TRIOBP: variants seen among roughly 807,000 people sequenced by gnomAD.
TRIOBP encodes the protein TRIO and F-actin-binding protein.
A neutral mutation model predicts 238.8 loss-of-function variants in TRIOBP; 169 were observed. The ratio of observed to expected loss-of-function variants is 0.71; its 90% CI spans 0.62 to 0.80. TRIOBP has a LOEUF of 0.80. TRIOBP is among the 30% of genes least tolerant of loss of function. TRIOBP has a pLI of 0.00. For missense variants in TRIOBP, 2,838 were observed against 3,122.6 expected, an observed-to-expected ratio of 0.91 and a Z score of 2.17; for synonymous variants, 1,150 against 1,274.4, an observed-to-expected ratio of 0.90 and a Z score of 2.08.
At chr22:37,757,020 G>A (rs2145869062) in intron 15 of TRIOBP, among the ~76,000 whole-genome samples, 1 of 152,242 alleles carries the variant, frequency 6.6e-6, no homozygotes, top group Middle Eastern at 3.4e-3. Context: ...CATCCATCCT[G>A]TGAGAGGCGT....
At chr22:37,746,551 A>G in intron 11 of TRIOBP, 1 of 820,700 alleles carries the variant, frequency 1.2e-6, no homozygotes, top group Non-Finnish European at 1.6e-6. Flanking sequence ...CTGGGCCGGA[A>G]GACGGGGCCA....
intron 10 of TRIOBP, among the ~76,000 whole-genome samples, chr22:37,739,867 A>T (rs1924851632): frequency 6.6e-6 from 1 of 152,154 alleles, no homozygotes; most frequent in Admixed American, 6.5e-5. Flanking sequence ...GTGCCCCTCT[A>T]GTCTCCATGA....
intron 3 of TRIOBP, among the ~76,000 whole-genome samples, chr22:37,708,195 A>AAGATCACGCCACTGCACTCTAGCC (rs1306594473): frequency 7.0e-6 from 1 of 143,816 alleles, no homozygotes; most frequent in Non-Finnish European, 1.5e-5. Flanking sequence ...GCAGTGAGCC[A>AAGATCACGCCACTGCACTCTAGCC]AGATCACGCC....
rs1924004975 is a variant in TRIOBP, at chr22:37,724,441, G to T, written c.1885G>T (p.Ala629Ser). 6.2e-7 allele frequency: 1 copy of T among 1,611,376 alleles called. No individual in the cohort carries two copies. The highest frequency in any genetic ancestry group is 1.4e-5 in the African/African-American group (1 of 73,882). ...ATRDNPRTSC[A>S]QRDNPRASSP... Reference sequence around the variant, plus strand: ...ACGAGATAACCCCAGAACATCCTGTGCCCAGCGGGACAATCCCAGAGCCTC... The same window carrying T: ...ACGAGATAACCCCAGAACATCCTGTTCCCAGCGGGACAATCCCAGAGCCTC... Residue 629 changes from alanine (A) to serine (S), a missense_variant, in exon 7 of 24, where the codon GCC becomes TCC. This residue lies in a region of TRIOBP where 167 missense variants were observed against 200.2 expected (regional missense o/e 0.83). Transcript: ENST00000644935.
intron 3 of TRIOBP, among the ~76,000 whole-genome samples, chr22:37,706,960 G>A (rs951267522): frequency 1.3e-5 from 2 of 151,932 alleles, no homozygotes; most frequent in African/African-American, 4.8e-5. Context: ...GTGTATACCA[G>A]ATGTGATAGT....
In TRIOBP at chr22:37,774,977, C is replaced by A. The variant is rs776175350; in HGVS notation, c.*1197C>A. The A allele has an allele frequency of 6.6e-6, 1 of 152,246 alleles. No individual in the cohort carries two copies. Among genetic ancestry groups the A allele is most frequent in the Non-Finnish European group, 1.5e-5 (1 of 68,074 alleles). 9.4% of individuals were successfully genotyped at this position (152,246 alleles called of 1,614,324 possible). ...GTCCCAGTCCTCTCCTGAGGCTTTT[C>A]CCAGAGGTCATGCCCAGCCCTGGGC... is the stretch of plus-strand genomic sequence containing the variant. On this transcript the variant is annotated 3_prime_UTR_variant, in exon 24 of 24. Transcript: ENST00000644935.
intron 11 of TRIOBP, among the ~76,000 whole-genome samples, chr22:37,747,174 A>G (rs1324362035): frequency 6.6e-6 from 1 of 151,862 alleles, no homozygotes; most frequent in African/African-American, 2.4e-5. Flanking sequence ...TGGACTCCCC[A>G]CTTCACAGCC....
chr22:37,710,891 A>G (rs899576872), intron 4 of TRIOBP, among the ~76,000 whole-genome samples: 1 of 152,128 alleles, frequency 6.6e-6, no homozygotes, highest in South Asian at 2.1e-4. Flanking sequence ...GCTGCTGTAC[A>G]CTCACCTTGC....
intron 16 of TRIOBP, among the ~76,000 whole-genome samples, chr22:37,758,804 C>T (rs773995356): frequency 6.6e-6 from 1 of 152,200 alleles, no homozygotes; most frequent in Non-Finnish European, 1.5e-5. Context: ...GGGTGGACTT[C>T]AGCAGTTTTA....
chr22:37,710,052 A>G (rs1017271185), intron 3 of TRIOBP, among the ~76,000 whole-genome samples: 7 of 152,238 alleles, frequency 4.6e-5, no homozygotes, highest in Non-Finnish European at 1.5e-5. Context: ...ACATACATGC[A>G]TGTATACATG....
Position 37,758,131 on chromosome 22 carries a change from A to G in TRIOBP, c.6206A>G (p.Glu2069Gly). Residue 2069 changes from glutamate (E) to glycine (G), a missense_variant, in exon 16 of 24, where the codon GAG (glutamate) becomes GGG (glycine). By Grantham distance (98) the Glu-to-Gly change is moderately conservative. Transcript: ENST00000644935. ...CCAAGTGACGGCCACGAGGCACTGG[A>G]GAAGGAGGTAGGCACCACGGCTGGC... ...GPPSDGHEAL[E>G]KEVQALRAQL... The G allele has an allele frequency of 6.2e-7, 1 of 1,610,922 alleles. No individual in the cohort carries two copies. Among genetic ancestry groups the G allele is most frequent in the Non-Finnish European group, 8.5e-7 (1 of 1,179,950 alleles).
At chr22:37,754,802 A>T in intron 12 of TRIOBP, 75 bp from the exon 13 acceptor site, 1 of 1,452,034 alleles carries the variant, frequency 6.9e-7, no homozygotes. Flanking sequence ...TGTGTGCAGC[A>T]TAGTGAGTTT....
intron 6 of TRIOBP, among the ~76,000 whole-genome samples, chr22:37,718,201 C>G (rs1386308424): frequency 6.6e-6 from 1 of 152,230 alleles, no homozygotes; most frequent in East Asian, 1.9e-4. Flanking sequence ...CGCGCAGCCT[C>G]GGTTCCCGCT....
intron 6 of TRIOBP, among the ~76,000 whole-genome samples, chr22:37,717,625 A>G (rs555675990): frequency 2.0e-5 from 3 of 152,232 alleles, no homozygotes; most frequent in African/African-American, 7.2e-5. Flanking sequence ...GGATTGGTGC[A>G]TTCACAAACC....
chr22:37,705,496 G>T (rs571108058), intron 3 of TRIOBP, among the ~76,000 whole-genome samples: 4 of 152,214 alleles, frequency 2.6e-5, no homozygotes, highest in South Asian at 4.1e-4. Flanking sequence ...GATGGAGAAT[G>T]GGGGGAGGCC....
intron 6 of TRIOBP, among the ~76,000 whole-genome samples, chr22:37,716,406 G>A (rs1183790266): frequency 1.3e-5 from 2 of 151,770 alleles, no homozygotes; most frequent in Admixed American, 6.6e-5. Context: ...TTACAGGCAC[G>A]CCTAGCCTGT....
At chr22:37,765,559 C>A in intron 17 of TRIOBP, 111 bp from the exon 18 acceptor site, 1 of 1,437,538 alleles carries the variant, frequency 7.0e-7, no homozygotes. Flanking sequence ...GGTGCTGGGA[C>A]CCAGGAGGAG....
rs375546937 is a variant in TRIOBP, at chr22:37,761,678, T to C, written c.6324+2414T>C. Among the ~76,000 whole-genome samples the C allele has an allele frequency of 2.3e-3, 343 of 152,048 alleles. 2 individuals carry two copies. In the Middle Eastern group the frequency reaches 0.024, roughly 11 times the overall value. ...AGATCTACGGAAGGCAGAGGGGCCT[T>C]TGGGGGCCCTGAGGCTGGGGCTGCT... On this transcript the variant is annotated intron_variant, in intron 17 of 23. Transcript: ENST00000644935.
rs767681460 is a variant in TRIOBP, at chr22:37,751,775, G to T, written c.5326G>T (p.Asp1776Tyr). 2 of 1,613,980 alleles carry T rather than the reference G, an allele frequency of 1.2e-6. No homozygotes were observed. Among genetic ancestry groups the T allele is most frequent in the Non-Finnish European group, 1.7e-6 (2 of 1,180,008 alleles). The change falls in exon 12 of 24, where the codon GAT (aspartate) becomes TAT (tyrosine). Residue 1776 changes from aspartate (D) to tyrosine (Y), a missense_variant. Around this residue, in one of 5 missense-constraint regions of TRIOBP, gnomAD observed 2,096 missense variants for 2,137.4 expected, o/e 0.98. Coordinates refer to ENST00000644935, the MANE Select transcript of TRIOBP (RefSeq NM_001039141.3). ...CTCCCTCCTCATCTCCCCACAGCCCGATCTGCTCAACTTCAAGAAGGGATG... is the reference window on the plus strand; with the variant it reads ...CTCCCTCCTCATCTCCCCACAGCCCTATCTGCTCAACTTCAAGAAGGGATG... ...SLGVLRWRRP[D>Y]LLNFKKGWMS...
Sources: gnomAD v4.1 joint callset for allele counts (sites outside exome capture counted in the v4.1 genomes callset) on GRCh38, gnomAD v4.1.1 for gene constraint, gnomAD v4.1.1 regional missense constraint, MANE v1.5 for transcripts, NCBI Gene and HGNC (gene_info 2026-07-23, HGNC 2026-07-21) for gene names.